Variants in CREB5 observed in about 807,000 individuals in gnomAD.
The protein encoded by CREB5 is cyclic AMP-responsive element-binding protein 5.
A neutral mutation model predicts 57.1 loss-of-function variants in CREB5; 19 were observed. That is an observed-to-expected ratio of 0.33 (90% CI 0.23 to 0.49). The LOEUF (loss-of-function observed/expected upper bound fraction) is 0.49, where lower values mean the gene tolerates loss of function less well. Among genes scored for constraint, CREB5 ranks in the 20% least tolerant of loss-of-function variants. The pLI is 0.99. For missense variants in CREB5, 579 were observed against 671.6 expected, an observed-to-expected ratio of 0.86 and a Z score of 1.52; for synonymous variants, 238 against 238.3, an observed-to-expected ratio of 1.00 and a Z score of 0.01.
intron 4 of CREB5, among the ~76,000 whole-genome samples, chr7:28,545,830 G>A (rs1396227560): frequency 6.6e-6 from 1 of 152,112 alleles, no homozygotes; most frequent in African/African-American, 2.4e-5. Context: ...GTGTGTGTGT[G>A]AAGTGAATGG....
intron 5 of CREB5, among the ~76,000 whole-genome samples, chr7:28,692,422 C>A (rs1284529641): frequency 6.6e-6 from 1 of 152,146 alleles, no homozygotes; most frequent in Non-Finnish European, 1.5e-5. Context: ...TGTGGTGAAA[C>A]CCTGTCTCTA....
At chr7:28,525,055 T>C (rs1246578156) in intron 4 of CREB5, among the ~76,000 whole-genome samples, 1 of 149,966 alleles carries the variant, frequency 6.7e-6, no homozygotes, top group African/African-American at 2.5e-5. Context: ...ATTTTAGGCA[T>C]CACAAGTGAG....
intron 1 of CREB5, among the ~76,000 whole-genome samples, chr7:28,304,649 A>G (rs985805921): frequency 6.6e-6 from 1 of 152,208 alleles, no homozygotes; most frequent in Non-Finnish European, 1.5e-5. Context: ...GTAAGTCCAT[A>G]AAAAGAGAAG....
At chr7:28,312,870 G>C (rs1785307360) in intron 1 of CREB5, among the ~76,000 whole-genome samples, 1 of 152,106 alleles carries the variant, frequency 6.6e-6, no homozygotes, top group African/African-American at 2.4e-5. Context: ...CCTGAGTGTT[G>C]GTAGAGCATC....
chr7:28,731,178 G>A (rs1409727640), intron 7 of CREB5, among the ~76,000 whole-genome samples: 1 of 152,146 alleles, frequency 6.6e-6, no homozygotes, highest in African/African-American at 2.4e-5. Context: ...CTTTCTGCTG[G>A]CTAGAAGTAT....
At chr7:28,705,816 C>A (rs1366577946) in intron 5 of CREB5, among the ~76,000 whole-genome samples, 1 of 152,208 alleles carries the variant, frequency 6.6e-6, no homozygotes, top group East Asian at 1.9e-4. Context: ...TTTATATAAA[C>A]CCCTTGTGGC....
At chr7:28,452,980 C>T (rs1789898377) in intron 1 of CREB5, among the ~76,000 whole-genome samples, 1 of 152,178 alleles carries the variant, frequency 6.6e-6, no homozygotes, top group Admixed American at 6.5e-5. Flanking sequence ...AACAGAAATT[C>T]ACAGCTGTGA....
At chr7:28,449,184 A>G (rs1317454893) in intron 1 of CREB5, among the ~76,000 whole-genome samples, 1 of 152,200 alleles carries the variant, frequency 6.6e-6, no homozygotes, top group Non-Finnish European at 1.5e-5. Context: ...CACTCACTAA[A>G]GGCAATCTTC....
At chr7:28,760,152 T>C (rs1562622228) in intron 7 of CREB5, among the ~76,000 whole-genome samples, 1 of 152,254 alleles carries the variant, frequency 6.6e-6, no homozygotes, top group Non-Finnish European at 1.5e-5. Flanking sequence ...TTCTGGCTTG[T>C]TGATTTCCCA....
chr7:28,422,491 A>C (rs1788311016), intron 1 of CREB5, among the ~76,000 whole-genome samples: 1 of 152,180 alleles, frequency 6.6e-6, no homozygotes, highest in African/African-American at 2.4e-5. Flanking sequence ...ATTAGGTAAA[A>C]GCTATGAGCC....
At chr7:28,410,659 T>A (rs570542926), upstream of CREB5, 20 of 421,548 alleles carry the variant, frequency 4.7e-5, no homozygotes, top group South Asian at 3.3e-4. Context: ...GCTACTTGTA[T>A]ATTTCGTTGT....
chr7:28,498,134 C>T (rs952632533), intron 3 of CREB5, among the ~76,000 whole-genome samples: 2 of 152,108 alleles, frequency 1.3e-5, no homozygotes, highest in African/African-American at 4.8e-5. Context: ...AACAAACAAA[C>T]ATGCTCATTA....
intron 1 of CREB5, among the ~76,000 whole-genome samples, chr7:28,369,523 C>G (rs1487658071): frequency 1.3e-5 from 2 of 152,186 alleles, no homozygotes; most frequent in East Asian, 3.8e-4. Context: ...ATGGAGATAA[C>G]TTCTAGGATT....
At chr7:28,443,334 G>A (rs961021955) in intron 1 of CREB5, among the ~76,000 whole-genome samples, 1 of 152,154 alleles carries the variant, frequency 6.6e-6, no homozygotes, top group Non-Finnish European at 1.5e-5. Flanking sequence ...TTTAATGTTG[G>A]GGGAAGCAGC....
chr7:28,328,910 G>C (rs1359390080), intron 1 of CREB5, among the ~76,000 whole-genome samples: 1 of 152,212 alleles, frequency 6.6e-6, no homozygotes, highest in Non-Finnish European at 1.5e-5. Context: ...GTGATGGATA[G>C]TATTGCTGGA....
intron 1 of CREB5, 76 bp from the exon 2 acceptor site, chr7:28,488,099 C>T: frequency 1.5e-6 from 2 of 1,345,844 alleles, no homozygotes; most frequent in Non-Finnish European, 2.1e-6. Context: ...GATTGCCTTT[C>T]TCACGTTGCT....
chr7:28,649,673 A>G (rs533217184), intron 5 of CREB5, among the ~76,000 whole-genome samples: 7 of 152,332 alleles, frequency 4.6e-5, no homozygotes, highest in Admixed American at 1.3e-4. Context: ...CATTCTCCCA[A>G]TAAATGCTAC....
At chr7:28,356,445 G>T (rs144671271) in intron 1 of CREB5, among the ~76,000 whole-genome samples, 1 of 152,308 alleles carries the variant, frequency 6.6e-6, no homozygotes, top group African/African-American at 2.4e-5. Flanking sequence ...TACTCTGAAT[G>T]CACTTAACTA....
intron 1 of CREB5, among the ~76,000 whole-genome samples, chr7:28,389,127 C>A (rs989075589): frequency 6.6e-6 from 1 of 152,128 alleles, no homozygotes; most frequent in Non-Finnish European, 1.5e-5. Flanking sequence ...CATGCAAAAG[C>A]CTCACGTTCA....
Sources: allele counts gnomAD v4.1 joint callset (sites outside exome capture counted in the v4.1 genomes callset), GRCh38; gene constraint gnomAD v4.1.1; transcripts MANE v1.5; gene names NCBI Gene and HGNC (gene_info 2026-07-23, HGNC 2026-07-21).